PPP2R2B: variants seen among roughly 807,000 people sequenced by gnomAD.
The protein encoded by PPP2R2B is serine/threonine-protein phosphatase 2A 55 kDa regulatory subunit B beta isoform.
In PPP2R2B, 5 loss-of-function variants were observed where a neutral mutation model predicts 46.0. The ratio of observed to expected loss-of-function variants is 0.11; its 90% confidence interval spans 0.06 to 0.23. The LOEUF is 0.23. Ranked by LOEUF, PPP2R2B falls within the 10% of genes least tolerant of loss-of-function variation. The pLI is 1.00. For synonymous variants in PPP2R2B, 215 were observed against 206.7 expected (o/e 1.04, Z -0.34); for missense variants, 367 against 575.0 (o/e 0.64, Z 3.70).
At chr5:146,654,447 A>C (rs1776186335) in intron 5 of PPP2R2B, among the ~76,000 whole-genome samples, 2 of 152,208 alleles carry the variant, frequency 1.3e-5, no homozygotes, top group African/African-American at 4.8e-5. Context: ...AAATATCAGC[A>C]ATCTCATGCG....
At chr5:146,968,014 C>T (rs1256512460) in intron 1 of PPP2R2B, among the ~76,000 whole-genome samples, 1 of 152,174 alleles carries the variant, frequency 6.6e-6, no homozygotes, top group Non-Finnish European at 1.5e-5. Context: ...ACCAAGGCCC[C>T]ATGAATCTAG....
chr5:146,755,402 G>T (rs953391475), intron 2 of PPP2R2B, among the ~76,000 whole-genome samples: 1 of 152,170 alleles, frequency 6.6e-6, no homozygotes. Context: ...AATAAACAAG[G>T]TTATCAGCGG....
At chr5:147,065,430 G>A (rs962220445) in intron 2 of PPP2R2B, among the ~76,000 whole-genome samples, 7 of 152,112 alleles carry the variant, frequency 4.6e-5, no homozygotes, top group African/African-American at 1.7e-4. Context: ...GGTGAGTGAG[G>A]CTGGGGGTAT....
At chr5:146,773,266 G>A (rs1385891187) in intron 2 of PPP2R2B, among the ~76,000 whole-genome samples, 1 of 152,202 alleles carries the variant, frequency 6.6e-6, no homozygotes, top group African/African-American at 2.4e-5. Context: ...ACAGCCGTTT[G>A]CATTCCAGGA....
intron 9 of PPP2R2B, among the ~76,000 whole-genome samples, chr5:146,591,281 C>A (rs879376651): frequency 6.6e-6 from 1 of 152,076 alleles, no homozygotes; most frequent in African/African-American, 2.4e-5. Flanking sequence ...AAGATTGGGC[C>A]ACAGCAAGGG....
At chr5:146,599,960 T>G (rs1341524600) in intron 8 of PPP2R2B, among the ~76,000 whole-genome samples, 1 of 152,140 alleles carries the variant, frequency 6.6e-6, no homozygotes, top group African/African-American at 2.4e-5. Context: ...GGCTGGACCA[T>G]CTCTTGCAGA....
intron 2 of PPP2R2B, among the ~76,000 whole-genome samples, chr5:146,841,425 G>A: frequency 6.6e-6 from 1 of 152,138 alleles, no homozygotes; most frequent in Non-Finnish European, 1.5e-5. Context: ...AAGGAAGAGA[G>A]GGAGAAAATG....
chr5:147,004,160 G>C (rs1379232518), intron 1 of PPP2R2B, among the ~76,000 whole-genome samples: 1 of 152,164 alleles, frequency 6.6e-6, no homozygotes, highest in African/African-American at 2.4e-5. Context: ...CAATCACCCA[G>C]TGGGGCTTGT....
chr5:146,935,581 G>A (rs1161747252), intron 1 of PPP2R2B, among the ~76,000 whole-genome samples: 2 of 152,152 alleles, frequency 1.3e-5, no homozygotes. Context: ...AATATGTGGG[G>A]ATGGTGGTAG....
At chr5:146,807,824 A>C (rs1445439330) in intron 2 of PPP2R2B, among the ~76,000 whole-genome samples, 1 of 66,242 alleles carries the variant, frequency 1.5e-5, no homozygotes, top group Non-Finnish European at 3.1e-5. Flanking sequence ...TTGAGAAGAC[A>C]GTTTTGCTCT....
intron 2 of PPP2R2B, among the ~76,000 whole-genome samples, chr5:146,840,041 A>T (rs319155): frequency 0.92 from 140,423 of 152,250 alleles, 64,852 homozygotes; most frequent in Middle Eastern, 0.98. Flanking sequence ...AAAACTTGAG[A>T]CTTGTGTAGC....
At chr5:146,802,764 G>A (rs1312403042) in intron 2 of PPP2R2B, among the ~76,000 whole-genome samples, 1 of 152,144 alleles carries the variant, frequency 6.6e-6, no homozygotes, top group Non-Finnish European at 1.5e-5. Context: ...AGTATATAGT[G>A]AGGTCTTTCC....
intron 2 of PPP2R2B, among the ~76,000 whole-genome samples, chr5:146,826,843 C>T (rs185826536): frequency 2.6e-5 from 4 of 152,178 alleles, no homozygotes; most frequent in African/African-American, 9.6e-5. Context: ...ATCACTTCTG[C>T]CTACACCATA....
chr5:146,807,353 A>G (rs1320956868), intron 2 of PPP2R2B, among the ~76,000 whole-genome samples: 1 of 152,188 alleles, frequency 6.6e-6, no homozygotes, highest in African/African-American at 2.4e-5. Flanking sequence ...GCACAGTCAC[A>G]TGAGACCAGT....
chr5:146,850,039 T>C (rs1267892820), intron 2 of PPP2R2B, among the ~76,000 whole-genome samples: 1 of 152,144 alleles, frequency 6.6e-6, no homozygotes, highest in Non-Finnish European at 1.5e-5. Context: ...AAGTGATGCA[T>C]CAGCTGGAAG....
At chr5:147,016,406 CT>C (rs1264750681) in intron 1 of PPP2R2B, among the ~76,000 whole-genome samples, 1 of 150,882 alleles carries the variant, frequency 6.6e-6, no homozygotes, top group African/African-American at 2.4e-5. Context: ...TCCTTTATGA[CT>C]TTGTTTTACT....
intron 6 of PPP2R2B, among the ~76,000 whole-genome samples, chr5:146,643,416 G>C (rs1176398790): frequency 1.3e-5 from 2 of 152,136 alleles, no homozygotes; most frequent in Non-Finnish European, 2.9e-5. Flanking sequence ...CAGTATATTA[G>C]GCAGTGATAA....
chr5:146,814,877 A>T (rs1267337810), intron 2 of PPP2R2B, among the ~76,000 whole-genome samples: 1 of 152,158 alleles, frequency 6.6e-6, no homozygotes, highest in Non-Finnish European at 1.5e-5. Context: ...GCCCTCTTCC[A>T]AGTGCACTTT....
intron 1 of PPP2R2B, among the ~76,000 whole-genome samples, chr5:146,965,515 T>C (rs147530719): frequency 6.8e-4 from 104 of 152,260 alleles, no homozygotes; most frequent in African/African-American, 2.3e-3. Flanking sequence ...ATAATGACAG[T>C]GTGCCCTCCA....
Sources: allele counts gnomAD v4.1 joint callset (sites outside exome capture counted in the v4.1 genomes callset), GRCh38; gene constraint gnomAD v4.1.1; transcripts MANE v1.5; gene names NCBI Gene and HGNC (gene_info 2026-07-23, HGNC 2026-07-21).